The following LOXHD1 variants were observed in gnomAD, a reference collection of about 807,000 sequenced individuals.
LOXHD1 encodes lipoxygenase homology PLAT domains 1.
In LOXHD1, 205 loss-of-function variants were observed where a neutral mutation model predicts 248.2. That is an observed-to-expected ratio of 0.83 (90% CI 0.74 to 0.93). LOXHD1 has a LOEUF of 0.93. Ranked by LOEUF, LOXHD1 falls within the 40% of genes least tolerant of loss-of-function variation. The probability of loss-of-function intolerance (pLI) is 0.00; values close to 1 mark genes in which losing one functional copy is unlikely to be tolerated. For synonymous variants in LOXHD1, 1,113 were observed against 1,162.8 expected (o/e 0.96, Z 0.87); for missense variants, 2,930 against 2,971.6 (o/e 0.99, Z 0.33).
At chr18:46,587,424 AT>A (rs752702276) in intron 12 of LOXHD1, among the ~76,000 whole-genome samples, 1 of 152,166 alleles carries the variant, frequency 6.6e-6, no homozygotes, top group Non-Finnish European at 1.5e-5. Flanking sequence ...GAATTTAGAA[AT>A]CCTTTTGCCT....
chr18:46,622,588 T>C (rs1382618693), intron 4 of LOXHD1, among the ~76,000 whole-genome samples: 1 of 152,184 alleles, frequency 6.6e-6, no homozygotes, highest in Admixed American at 6.5e-5. Context: ...CAAAGCTGCC[T>C]GGACCAGGGT....
intron 38 of LOXHD1, among the ~76,000 whole-genome samples, chr18:46,488,130 C>G (rs890010295): frequency 2.0e-5 from 3 of 152,114 alleles, no homozygotes; most frequent in Admixed American, 1.3e-4. Flanking sequence ...GTAAGGCTGA[C>G]TGGGCAGCCT....
At chr18:46,565,178 C>T (rs113243303) in intron 17 of LOXHD1, among the ~76,000 whole-genome samples, 5,121 of 151,928 alleles carry the variant, frequency 0.034, 109 homozygotes, top group Non-Finnish European at 0.052. Flanking sequence ...GCAGGAGAAT[C>T]GCTTGAACCC....
chr18:46,620,383 C>G (rs898356703), intron 4 of LOXHD1, among the ~76,000 whole-genome samples: 2 of 152,148 alleles, frequency 1.3e-5, no homozygotes, highest in Non-Finnish European at 2.9e-5. Context: ...CTGAAGGTTG[C>G]ATCAGTCCAT....
Position 46,610,812 on chromosome 18 carries a change from G to T in LOXHD1, c.723C>A (p.Asn241Lys), listed in dbSNP as rs1364819556. The T allele has an allele frequency of 2.2e-5, 34 of 1,551,588 alleles. No individual in the cohort carries two copies. The highest frequency in any genetic ancestry group is 1.2e-4 in the Admixed American group (6 of 50,988). ...GQLMKINVGH[N>K]NKGGSAGWFL... ...ACCAACCTGCAGAGCCCCCCTTATT[G>T]TTGTGGCCAACATTGATCTTCATCA... is the stretch of plus-strand genomic sequence containing the variant. The change falls in exon 6 of 41, where the codon AAC becomes AAA. Residue 241 changes from asparagine (N) to lysine (K), a missense_variant. Transcript: ENST00000642948.
Position 46,518,137 on chromosome 18 carries a change from C to A in LOXHD1, c.5391G>T (p.Lys1797Asn). 6.4e-7 allele frequency: 1 copy of A among 1,551,620 alleles called. No individual in the cohort carries two copies. The highest frequency in any genetic ancestry group is 2.4e-5 in the East Asian group (1 of 40,910). ...GGGCCGCCTCCAGGTACCTGGCTTT[C>A]TTTTTGTCCAGCTGCATCTCCTCTG... ...GSTEEMQLDK[K>N]KARFEREQND... The change falls in exon 34 of 41, where the codon AAG (lysine) becomes AAT (asparagine). Residue 1797 changes from lysine (K) to asparagine (N), a missense_variant. Lys to Asn is a moderately conservative substitution (Grantham distance 94). Coordinates refer to ENST00000642948, the MANE Select transcript of LOXHD1 (RefSeq NM_001384474.1).
chr18:46,579,526 C>T, intron 13 of LOXHD1, 104 bp downstream of exon 13: 3 of 1,458,956 alleles, frequency 2.1e-6, no homozygotes, highest in Non-Finnish European at 1.9e-6. Flanking sequence ...GGCTGAGGCC[C>T]CAGGACCAGC....
At chr18:46,655,171 C>T (rs756272987) in intron 1 of LOXHD1, among the ~76,000 whole-genome samples, 1 of 152,160 alleles carries the variant, frequency 6.6e-6, no homozygotes, top group African/African-American at 2.4e-5. Flanking sequence ...GCGCTTGCCT[C>T]GAAAAAGATA....
intron 35 of LOXHD1, among the ~76,000 whole-genome samples, chr18:46,508,610 G>A (rs1275007878): frequency 1.3e-5 from 2 of 152,238 alleles, no homozygotes; most frequent in Non-Finnish European, 2.9e-5. Flanking sequence ...CTAGTCCATG[G>A]TGCTTTGTTA....
At position 46,594,314 on chromosome 18, in the gene LOXHD1, G is replaced by A; in HGVS notation, c.1270+17C>T. The A allele has an allele frequency of 1.3e-6, 2 of 1,551,372 alleles. No individual in the cohort carries two copies. The highest frequency in any genetic ancestry group is 8.7e-7 in the Non-Finnish European group (1 of 1,146,948). ...CCTGGCTGAGAGGCCTCCAGGTTCT[G>A]GGTCTCTCTCACTTACTTTTCAGCC... On this transcript the variant is annotated intron_variant, in intron 9 of 40. Coordinates refer to ENST00000642948, the MANE Select transcript of LOXHD1 (RefSeq NM_001384474.1).
At chr18:46,495,790 G>C (rs922955575) in intron 37 of LOXHD1, among the ~76,000 whole-genome samples, 6 of 152,202 alleles carry the variant, frequency 3.9e-5, no homozygotes, top group African/African-American at 1.4e-4. Flanking sequence ...AAGTATGATA[G>C]TGGTGGTGTA....
At chr18:46,637,851 C>CAA (rs2038912702) in intron 4 of LOXHD1, among the ~76,000 whole-genome samples, 2 of 152,306 alleles carry the variant, frequency 1.3e-5, no homozygotes, top group South Asian at 4.1e-4. Context: ...AAATGTCCCT[C>CAA]AAAAGCTTTA....
intron 4 of LOXHD1, among the ~76,000 whole-genome samples, chr18:46,636,870 G>C (rs1481777366): frequency 3.0e-4 from 46 of 152,170 alleles, no homozygotes; most frequent in Admixed American, 2.9e-3. Flanking sequence ...TGAAGCCTGG[G>C]TGAAGTGGCT....
chr18:46,560,076 C>T lies in LOXHD1; in HGVS notation c.3061+7G>A, dbSNP rs908810569. 9 of 1,544,536 alleles carry T rather than the reference C, an allele frequency of 5.8e-6. No individual in the cohort carries two copies. The highest frequency in any genetic ancestry group is 7.0e-6 in the Non-Finnish European group (8 of 1,141,654). ...CTCCCCACCCCCACCCCCCACGACC[C>T]ACTTACGCTCAGGACCCGGCTTGCC... is the stretch of plus-strand genomic sequence containing the variant. On this transcript the variant is annotated splice_region_variant and intron_variant, in intron 19 of 40. Transcript: ENST00000642948.
In LOXHD1 at chr18:46,477,946, G is replaced by C; in HGVS notation, c.6348C>G (p.Phe2116Leu). The C allele has an allele frequency of 6.5e-7, 1 of 1,547,686 alleles. No individual in the cohort carries two copies. Among genetic ancestry groups the C allele is most frequent in the African/African-American group, 1.4e-5 (1 of 73,076 alleles). The change falls in exon 41 of 41, where the codon TTC becomes TTG. Residue 2116 changes from phenylalanine to leucine, a missense_variant. Phe to Leu is a conservative substitution (Grantham distance 22, BLOSUM62 0). Transcript: ENST00000642948. The part of the protein sequence containing the change: ...ITEMEYGNVY[F>L]FNCDCLIPLK... ...GGGGGATGAGGCAGTCACAGTTAAAGAAGTACCTGGCAGAGAGGTGGGAGA... is the reference window on the plus strand; with the variant it reads ...GGGGGATGAGGCAGTCACAGTTAAACAAGTACCTGGCAGAGAGGTGGGAGA...
intron 20 of LOXHD1, among the ~76,000 whole-genome samples, chr18:46,558,598 A>G (rs2037432687): frequency 6.6e-6 from 1 of 152,232 alleles, no homozygotes; most frequent in Non-Finnish European, 1.5e-5. Context: ...TCAAGAAATG[A>G]GCCCAGAAAT....
intron 18 of LOXHD1, among the ~76,000 whole-genome samples, chr18:46,561,805 G>A (rs1599006158): frequency 6.6e-6 from 1 of 152,188 alleles, no homozygotes; most frequent in African/African-American, 2.4e-5. Context: ...AAAGGCTCTG[G>A]ACCTGGTAAG....
intron 28 of LOXHD1, among the ~76,000 whole-genome samples, chr18:46,532,762 A>G (rs2036130033): frequency 6.6e-6 from 1 of 152,240 alleles, no homozygotes; most frequent in South Asian, 2.1e-4. Flanking sequence ...ATTCATACTA[A>G]GTTGGGACAG....
chr18:46,534,199 AC>A, intron 27 of LOXHD1, 135 bp downstream of exon 27: 2 of 617,260 alleles, frequency 3.2e-6, no homozygotes, highest in Non-Finnish European at 5.7e-6. Flanking sequence ...CTCTGAGTGA[AC>A]TGGGTGAATT....
Sources: allele counts gnomAD v4.1 joint callset (sites outside exome capture counted in the v4.1 genomes callset), GRCh38; gene constraint gnomAD v4.1.1; transcripts MANE v1.5; gene names NCBI Gene and HGNC (gene_info 2026-07-23, HGNC 2026-07-21).